The following SAMD3 variants were observed in gnomAD, a reference collection of about 807,000 sequenced individuals.
The protein encoded by SAMD3 is sterile alpha motif domain-containing protein 3.
SAMD3 carries 63 observed loss-of-function variants against 58.5 expected under a neutral mutation model. The observed-to-expected ratio is 1.08, with a 90% CI of 0.88 to 1.33. The LOEUF is 1.33. Ranked by LOEUF, SAMD3 falls within the 40% of genes most tolerant of loss-of-function variation. The probability of loss-of-function intolerance (pLI) is 0.00; values close to 1 mark genes in which losing one functional copy is unlikely to be tolerated. For missense variants in SAMD3, 604 were observed against 608.4 expected (o/e 0.99, Z 0.08); for synonymous variants, 220 against 210.3 (o/e 1.05, Z -0.40).
At chr6:130,200,385 C>CAA (rs397781904) in intron 5 of SAMD3, among the ~76,000 whole-genome samples, 191 of 140,758 alleles carry the variant, frequency 1.4e-3, no homozygotes, top group Middle Eastern at 3.6e-3. Context: ...ACTAAAAATA[C>CAA]AAAAAAAAAA....
At chr6:130,223,367 T>C (rs930064524), upstream of SAMD3, among the ~76,000 whole-genome samples, 1 of 152,364 alleles carries the variant, frequency 6.6e-6, no homozygotes, top group African/African-American at 2.4e-5. Flanking sequence ...GTAATTCTCG[T>C]TACATAGCTC....
At chr6:130,309,511 C>T (rs112607785) in intron 2 of SAMD3, among the ~76,000 whole-genome samples, 1,872 of 152,182 alleles carry the variant, frequency 0.012, 38 homozygotes, top group African/African-American at 0.043. Context: ...AATGCTAGTG[C>T]TTTTAAAATC....
At chr6:130,323,126 A>G (rs538820121) in intron 1 of SAMD3, among the ~76,000 whole-genome samples, 1 of 152,332 alleles carries the variant, frequency 6.6e-6, no homozygotes, top group South Asian at 2.1e-4. Context: ...AATAAATATA[A>G]TGTTTTTAAG....
chr6:130,217,720 AG>A (rs1325629432), intron 1 of SAMD3, among the ~76,000 whole-genome samples: 1 of 152,254 alleles, frequency 6.6e-6, no homozygotes, highest in Non-Finnish European at 1.5e-5. Context: ...CGACCACAAA[AG>A]AGCACTTTTT....
chr6:130,353,067 T>G (rs1404852010), intron 1 of SAMD3, among the ~76,000 whole-genome samples: 2 of 152,206 alleles, frequency 1.3e-5, no homozygotes, highest in African/African-American at 4.8e-5. Flanking sequence ...CTATTTCCTT[T>G]TGAAATGCTA....
At chr6:130,279,308 C>T (rs1774898495) in intron 2 of SAMD3, among the ~76,000 whole-genome samples, 1 of 151,880 alleles carries the variant, frequency 6.6e-6, no homozygotes, top group African/African-American at 2.4e-5. Flanking sequence ...CGGTTTTCCC[C>T]ATGCAGTTCT....
At chr6:130,260,206 G>A (rs1774073801) in intron 2 of SAMD3, among the ~76,000 whole-genome samples, 1 of 152,214 alleles carries the variant, frequency 6.6e-6, no homozygotes, top group Non-Finnish European at 1.5e-5. Flanking sequence ...GTAGCCCGGT[G>A]CCTAGGAACC....
chr6:130,240,626 G>A (rs1240681096), intron 2 of SAMD3, among the ~76,000 whole-genome samples: 2 of 152,136 alleles, frequency 1.3e-5, no homozygotes, highest in Non-Finnish European at 2.9e-5. Context: ...TTGGGAAGTG[G>A]GGCCTTTTGG....
intron 2 of SAMD3, among the ~76,000 whole-genome samples, chr6:130,244,596 C>G (rs565581993): frequency 1.3e-5 from 2 of 151,790 alleles, no homozygotes; most frequent in African/African-American, 4.8e-5. Context: ...AAAAATTAGC[C>G]GGGTGTGGTG....
intron 2 of SAMD3, among the ~76,000 whole-genome samples, chr6:130,297,341 C>T (rs1775604521): frequency 6.6e-6 from 1 of 152,144 alleles, no homozygotes; most frequent in South Asian, 2.1e-4. Flanking sequence ...GCAGTGTACA[C>T]CTTAGTCAGG....
At chr6:130,212,033 G>C (rs1795618183) in intron 4 of SAMD3, among the ~76,000 whole-genome samples, 2 of 151,546 alleles carry the variant, frequency 1.3e-5, no homozygotes, top group South Asian at 4.2e-4. Flanking sequence ...GGCTAGTTGA[G>C]GGGCTAATAT....
At chr6:130,223,571 A>G (rs1796297799), upstream of SAMD3, among the ~76,000 whole-genome samples, 1 of 152,214 alleles carries the variant, frequency 6.6e-6, no homozygotes, top group South Asian at 2.1e-4. Context: ...ATCTGTTAAC[A>G]CTAAGTGCTG....
At chr6:130,224,203 G>A (rs370993421), upstream of SAMD3, among the ~76,000 whole-genome samples, 2 of 152,110 alleles carry the variant, frequency 1.3e-5, no homozygotes, top group Non-Finnish European at 2.9e-5. Flanking sequence ...CTGCCAGTGT[G>A]TTCCTCTTGA....
chr6:130,297,998 G>A (rs936330133), intron 2 of SAMD3, among the ~76,000 whole-genome samples: 1 of 152,160 alleles, frequency 6.6e-6, no homozygotes, highest in Non-Finnish European at 1.5e-5. Context: ...AATCTTGCTA[G>A]AGAAGTCAAC....
chr6:130,345,817 C>A (rs890731083), intron 1 of SAMD3, among the ~76,000 whole-genome samples: 2 of 152,140 alleles, frequency 1.3e-5, no homozygotes, highest in Non-Finnish European at 2.9e-5. Flanking sequence ...AAGCAAAAGG[C>A]AGAGAACAGA....
chr6:130,246,980 C>A lies in SAMD3; in HGVS notation c.-187-24167G>T, dbSNP rs561206062. On this transcript the variant is annotated intron_variant, in intron 2 of 13. Transcript: ENST00000368134. ...TTTAACTACTAAAAAGGCCTAGAAA[C>A]AATGAGCACTCCTAGAACCCAGATT... 1.2e-4 allele frequency among the ~76,000 whole-genome samples: 19 copies of A among 152,238 alleles called. No homozygotes were observed. The South Asian group carries it at 3.5e-3, about 28-fold the overall frequency.
intron 2 of SAMD3, among the ~76,000 whole-genome samples, chr6:130,273,731 G>T (rs913851071): frequency 2.0e-5 from 3 of 151,872 alleles, no homozygotes; most frequent in Non-Finnish European, 4.4e-5. Flanking sequence ...TCCATTTTAA[G>T]CTGATAACAA....
upstream of SAMD3, among the ~76,000 whole-genome samples, chr6:130,226,838 A>C (rs1796394195): frequency 6.6e-6 from 1 of 152,236 alleles, no homozygotes; most frequent in South Asian, 2.1e-4. Flanking sequence ...CAAAAAAAAA[A>C]ATTATTTACA....
intron 2 of SAMD3, among the ~76,000 whole-genome samples, chr6:130,290,881 AAG>A (rs1404861955): frequency 2.0e-5 from 3 of 152,220 alleles, no homozygotes; most frequent in African/African-American, 7.2e-5. Flanking sequence ...TTAAATAAAA[AAG>A]AAATTTTTCT....
Sources: allele counts gnomAD v4.1 joint callset (sites outside exome capture counted in the v4.1 genomes callset), GRCh38; gene constraint gnomAD v4.1.1; transcripts MANE v1.5; gene names NCBI Gene and HGNC (gene_info 2026-07-23, HGNC 2026-07-21).